CHIC1: variants seen among roughly 807,000 people sequenced by gnomAD.
The protein encoded by CHIC1 is cysteine rich hydrophobic domain 1, also known as cysteine-rich hydrophobic domain-containing protein 1.
CHIC1 carries 7 observed loss-of-function variants against 18.5 expected under a neutral mutation model. The ratio of observed to expected loss-of-function variants is 0.38; its 90% CI spans 0.22 to 0.71. CHIC1 has a LOEUF of 0.71. CHIC1 is among the 30% of genes least tolerant of loss of function. The pLI, the probability that CHIC1 is intolerant of heterozygous loss-of-function variation, is 0.49. For synonymous variants in CHIC1, 77 were observed against 73.5 expected, an observed-to-expected ratio of 1.05 and a Z score of -0.25; for missense variants, 159 against 176.9, an observed-to-expected ratio of 0.90 and a Z score of 0.57.
chrX:73,627,708 C>G (rs1294836505), intron 3 of CHIC1, among the ~76,000 whole-genome samples: 1 of 111,575 alleles, frequency 9.0e-6, no homozygotes, highest in Non-Finnish European at 1.9e-5. Flanking sequence ...GGGCAGTGTG[C>G]TCTCCTCTGG....
At chrX:73,564,959 T>A (rs1298898513) in intron 1 of CHIC1, among the ~76,000 whole-genome samples, 1 of 109,799 alleles carries the variant, frequency 9.1e-6, no homozygotes, top group East Asian at 2.9e-4. Context: ...GTTGAGTATT[T>A]TAATTGTAAT....
chrX:73,598,612 G>A (rs2057624310), intron 3 of CHIC1, among the ~76,000 whole-genome samples: 1 of 107,763 alleles, frequency 9.3e-6, no homozygotes, highest in Non-Finnish European at 1.9e-5. Flanking sequence ...ATAGTTTACT[G>A]AGAATGATGC....
At chrX:73,600,716 T>A (rs1185711538) in intron 3 of CHIC1, among the ~76,000 whole-genome samples, 1 of 107,352 alleles carries the variant, frequency 9.3e-6, no homozygotes. Context: ...CTTTTTGATG[T>A]GCTGCTGGAT....
rs2058125325 is a variant in CHIC1, at chrX:73,686,976, C to G, written c.*5971C>G. 8.9e-6 allele frequency: 1 copy of G among 111,786 alleles called. No homozygotes were observed. The allele number at this position is 111,786 out of a possible 1,213,427, so 9.2% of individuals were successfully genotyped here. On this transcript the variant is annotated 3_prime_UTR_variant, in exon 6 of 6. Coordinates refer to ENST00000373502, the MANE Select transcript of CHIC1 (RefSeq NM_001039840.4). The stretch of plus-strand genomic sequence containing the variant: ...CTGGAAAAACTCAATCTATATACAG[C>G]TGTGCCAAAATGAAGGATACCTGCC...
chrX:73,655,611 AGTG>A (rs1309328502), intron 3 of CHIC1, among the ~76,000 whole-genome samples: 1 of 75,302 alleles, frequency 1.3e-5, no homozygotes, highest in Non-Finnish European at 2.4e-5. Flanking sequence ...GTGTATATAT[AGTG>A]TGTGTATATA....
intron 3 of CHIC1, among the ~76,000 whole-genome samples, chrX:73,659,408 G>A (rs900269271): frequency 4.2e-3 from 66 of 15,838 alleles, no homozygotes; most frequent in African/African-American, 0.019. Flanking sequence ...CAGGAATTTT[G>A]TTGATTGAAG....
At chrX:73,656,960 T>C (rs2057952301) in intron 3 of CHIC1, among the ~76,000 whole-genome samples, 1 of 111,724 alleles carries the variant, frequency 9.0e-6, no homozygotes, top group Non-Finnish European at 1.9e-5. Context: ...CTTGTTTGTG[T>C]CATTTCTGAT....
intron 3 of CHIC1, among the ~76,000 whole-genome samples, chrX:73,661,610 T>C (rs1388643207): frequency 8.9e-6 from 1 of 111,910 alleles, no homozygotes; most frequent in Non-Finnish European, 1.9e-5. Flanking sequence ...TTTGGATGTG[T>C]ACATTGATCT....
At chrX:73,634,152 A>G (rs1464594678) in intron 3 of CHIC1, among the ~76,000 whole-genome samples, 3 of 111,978 alleles carry the variant, frequency 2.7e-5, no homozygotes, top group Non-Finnish European at 5.6e-5. Flanking sequence ...AGGAACACTC[A>G]CCTTCTCCAG....
chrX:73,673,439 A>G (rs1373601734), intron 3 of CHIC1, among the ~76,000 whole-genome samples: 2 of 111,658 alleles, frequency 1.8e-5, no homozygotes, highest in Non-Finnish European at 3.8e-5. Flanking sequence ...AGTGGTTTAT[A>G]GGTCTCCTTG....
At chrX:73,576,203 G>A (rs748737992) in intron 1 of CHIC1, among the ~76,000 whole-genome samples, 20 of 109,942 alleles carry the variant, frequency 1.8e-4, no homozygotes, top group African/African-American at 6.2e-4. Context: ...CTTTTTGTTA[G>A]AAGAAGGAAT....
At chrX:73,655,554 TTG>T in intron 3 of CHIC1, among the ~76,000 whole-genome samples, 1 of 90,626 alleles carries the variant, frequency 1.1e-5, no homozygotes, top group African/African-American at 4.0e-5. Flanking sequence ...ATATACAATA[TTG>T]TGTATATATA....
At position 73,563,233 on chromosome X, in the gene CHIC1, G is replaced by C. The variant is rs901554604; in HGVS notation, c.-52G>C. ...GTTCCCCCTCCTCTTGCAGCACCTC[G>C]GCAGGTTCAAACTCTTCTCCGGGAG... On this transcript the variant is annotated 5_prime_UTR_variant, in exon 1 of 6. Transcript: ENST00000373502. The C allele has an allele frequency of 1.7e-5, 18 of 1,051,321 alleles. No individual in the cohort carries two copies. In the Admixed American group the frequency reaches 2.9e-4, roughly 17 times the overall value. 86.6% of individuals were successfully genotyped at this position (1,051,321 alleles called of 1,213,427 possible).
chrX:73,581,658 G>A (rs917010183), intron 2 of CHIC1, among the ~76,000 whole-genome samples: 5 of 110,519 alleles, frequency 4.5e-5, no homozygotes, highest in Non-Finnish European at 9.5e-5. Context: ...TGAAACTCTA[G>A]TAAAAGCTTT....
intron 3 of CHIC1, among the ~76,000 whole-genome samples, chrX:73,622,947 C>T (rs1315086806): frequency 8.9e-6 from 1 of 111,824 alleles, no homozygotes; most frequent in Non-Finnish European, 1.9e-5. Flanking sequence ...GTTATTTACC[C>T]AGTAGTCATT....
chrX:73,639,707 T>C (rs2057846567), intron 3 of CHIC1, among the ~76,000 whole-genome samples: 1 of 111,707 alleles, frequency 9.0e-6, no homozygotes, highest in Admixed American at 9.5e-5. Context: ...AGGAAAGTGG[T>C]CCAGTGTTTT....
chrX:73,633,776 C>G (rs944411642), intron 3 of CHIC1, among the ~76,000 whole-genome samples: 1 of 109,857 alleles, frequency 9.1e-6, no homozygotes, highest in Non-Finnish European at 1.9e-5. Flanking sequence ...AATGATCTGT[C>G]TTTGAGGATG....
At chrX:73,593,021 C>A (rs1008840175) in intron 3 of CHIC1, among the ~76,000 whole-genome samples, 3 of 110,341 alleles carry the variant, frequency 2.7e-5, no homozygotes, top group Non-Finnish European at 5.7e-5. Flanking sequence ...GTCTGAGGAT[C>A]TTTTATATTC....
rs1263874253 is a variant in CHIC1, at chrX:73,686,773, T to C, written c.*5768T>C. On this transcript the variant is annotated 3_prime_UTR_variant, in exon 6 of 6. Coordinates refer to ENST00000373502, the MANE Select transcript of CHIC1 (RefSeq NM_001039840.4). ...GAGAGTGGGCATTGATAAAAATATCTGGTGGAGAAGCCTAGGATTTCAACT... is the reference window on the plus strand; with the variant it reads ...GAGAGTGGGCATTGATAAAAATATCCGGTGGAGAAGCCTAGGATTTCAACT... 9.0e-6 allele frequency: 1 copy of C among 111,560 alleles called. No homozygotes were observed. The highest frequency in any genetic ancestry group is 9.6e-5 in the Admixed American group (1 of 10,465). The allele number at this position is 111,560 out of a possible 1,213,427, so 9.2% of individuals were successfully genotyped here.
Sources: gnomAD v4.1 joint callset for allele counts (sites outside exome capture counted in the v4.1 genomes callset) on GRCh38, gnomAD v4.1.1 for gene constraint, MANE v1.5 for transcripts, NCBI Gene and HGNC (gene_info 2026-07-23, HGNC 2026-07-21) for gene names.